Variants in TPST1 observed in about 807,000 individuals in gnomAD.
The protein encoded by TPST1 is tyrosylprotein sulfotransferase 1, also known as protein-tyrosine sulfotransferase 1.
TPST1 carries 20 observed loss-of-function variants against 34.8 expected under a neutral mutation model. The ratio of observed to expected loss-of-function variants is 0.57; its 90% CI spans 0.40 to 0.84. The LOEUF is 0.84. TPST1 is among the 40% of genes least tolerant of loss of function. The probability of loss-of-function intolerance (pLI) is 0.00; values close to 1 mark genes in which losing one functional copy is unlikely to be tolerated. For synonymous variants in TPST1, 152 were observed against 159.4 expected (o/e 0.95, Z 0.35); for missense variants, 353 against 455.5 (o/e 0.78, Z 2.05).
At chr7:66,221,176 A>G (rs1044055242) in intron 1 of TPST1, among the ~76,000 whole-genome samples, 6 of 152,162 alleles carry the variant, frequency 3.9e-5, no homozygotes, top group Non-Finnish European at 8.8e-5. Context: ...TAGTGATTCA[A>G]CTGATGGAAA....
intron 3 of TPST1, among the ~76,000 whole-genome samples, chr7:66,351,431 G>A (rs1562856596): frequency 6.6e-6 from 1 of 151,964 alleles, no homozygotes; most frequent in Non-Finnish European, 1.5e-5. Flanking sequence ...CTGTTTCATC[G>A]ATATATTTAT....
chr7:66,270,122 T>C (rs1790676598), intron 2 of TPST1, among the ~76,000 whole-genome samples: 1 of 151,972 alleles, frequency 6.6e-6, no homozygotes, highest in African/African-American at 2.4e-5. Context: ...CAAGTAGATA[T>C]TACAGGAAGG....
upstream of TPST1, among the ~76,000 whole-genome samples, chr7:66,204,853 G>A (rs898537317): frequency 6.6e-6 from 1 of 152,272 alleles, no homozygotes; most frequent in African/African-American, 2.4e-5. Context: ...TCCCCGAGGA[G>A]ATGACAGCTT....
Position 66,354,717 on chromosome 7 carries a change from A to C in TPST1, c.1096-2108A>C, listed in dbSNP as rs1162955064. On this transcript the variant is annotated intron_variant, in intron 4 of 5. Coordinates refer to ENST00000304842, the MANE Select transcript of TPST1 (RefSeq NM_003596.4). Reference sequence around the variant, plus strand: ...TAATGAAAGTTGTTAGAGGATATAGAAGAGCCAGGCATGAGGCTCACGCTT... The same window carrying C: ...TAATGAAAGTTGTTAGAGGATATAGCAGAGCCAGGCATGAGGCTCACGCTT... 2.0e-5 allele frequency among the ~76,000 whole-genome samples: 3 copies of C among 151,008 alleles called. No homozygotes were observed. In the East Asian group the frequency reaches 6.0e-4, roughly 30 times the overall value.
At chr7:66,213,383 T>A (rs77715855) in intron 1 of TPST1, among the ~76,000 whole-genome samples, 2,295 of 152,278 alleles carry the variant, frequency 0.015, 61 homozygotes, top group East Asian at 0.093. Context: ...CTATAATTTT[T>A]ATTGGGTTTT....
chr7:66,207,761 T>G (rs1344294220), intron 1 of TPST1, among the ~76,000 whole-genome samples: 1 of 152,222 alleles, frequency 6.6e-6, no homozygotes, highest in Non-Finnish European at 1.5e-5. Context: ...CATAGCTGTA[T>G]GTGGATGCTT....
chr7:66,329,739 A>G (rs1341751198), intron 3 of TPST1, among the ~76,000 whole-genome samples: 1 of 152,250 alleles, frequency 6.6e-6, no homozygotes, highest in African/African-American at 2.4e-5. Context: ...AAATGTGTAC[A>G]TATACACCAT....
At chr7:66,260,460 C>T (rs1462411676) in intron 2 of TPST1, among the ~76,000 whole-genome samples, 1 of 152,126 alleles carries the variant, frequency 6.6e-6, no homozygotes, top group Admixed American at 6.6e-5. Context: ...GACTGTACTC[C>T]ATAATAACTG....
At position 66,360,073 on chromosome 7, in the gene TPST1, A is replaced by G. The variant is rs1033364334; in HGVS notation, c.*208A>G. 2 of 414,572 alleles carry G rather than the reference A, an allele frequency of 4.8e-6. No homozygotes were observed. Among genetic ancestry groups the G allele is most frequent in the Non-Finnish European group, 9.9e-6 (2 of 202,804 alleles). 25.7% of individuals were successfully genotyped at this position (414,572 alleles called of 1,614,324 possible). A position where few individuals can be genotyped will look rare whatever the true frequency, so the allele number is the denominator to read the frequency against. ...TCGTGAGGGATCTGCCTCCTGAGCAAAGAGCTCTTGATCCCGATTTCATGC... is the reference window on the plus strand; with the variant it reads ...TCGTGAGGGATCTGCCTCCTGAGCAGAGAGCTCTTGATCCCGATTTCATGC... On this transcript the variant is annotated 3_prime_UTR_variant, in exon 6 of 6. Transcript: ENST00000304842.
chr7:66,330,925 GTC>G (rs984133471), intron 3 of TPST1, among the ~76,000 whole-genome samples: 10 of 152,182 alleles, frequency 6.6e-5, no homozygotes, highest in African/African-American at 2.2e-4. Flanking sequence ...CAAACGTGTT[GTC>G]TCATAGGTTC....
chr7:66,330,022 T>A (rs1016463571), intron 3 of TPST1, among the ~76,000 whole-genome samples: 9 of 152,006 alleles, frequency 5.9e-5, no homozygotes, highest in Non-Finnish European at 1.2e-4. Context: ...GGGTGACAGG[T>A]TCAATCATAT....
intron 3 of TPST1, among the ~76,000 whole-genome samples, chr7:66,299,645 T>C (rs770132198): frequency 1.3e-5 from 2 of 152,192 alleles, no homozygotes; most frequent in Non-Finnish European, 2.9e-5. Context: ...CATTGATCCC[T>C]TCTTTTTCTG....
At chr7:66,308,301 G>A (rs571791703) in intron 3 of TPST1, among the ~76,000 whole-genome samples, 8 of 152,264 alleles carry the variant, frequency 5.3e-5, no homozygotes, top group African/African-American at 1.9e-4. Flanking sequence ...TTTACCTCTA[G>A]GGCCTGCCAT....
At chr7:66,274,997 A>G (rs1790777821) in intron 2 of TPST1, among the ~76,000 whole-genome samples, 1 of 152,156 alleles carries the variant, frequency 6.6e-6, no homozygotes, top group South Asian at 2.1e-4. Context: ...GGTCGAGACC[A>G]TGCTGGCTAA....
intron 2 of TPST1, 141 bp from the exon 3 acceptor site, chr7:66,286,370 A>C (rs1327643978): frequency 1.4e-5 from 8 of 578,800 alleles, no homozygotes; most frequent in Non-Finnish European, 2.1e-5. Flanking sequence ...AAATAGTGTC[A>C]AACCTGATTA....
In TPST1 at chr7:66,338,874, C is replaced by T. The variant is rs529369056; in HGVS notation, c.1045-13631C>T. Among the ~76,000 whole-genome samples, 7 of 152,064 alleles carry T rather than the reference C, an allele frequency of 4.6e-5. No individual in the cohort carries two copies. In the East Asian group the frequency reaches 5.8e-4, roughly 13 times the overall value. On this transcript the variant is annotated intron_variant, in intron 3 of 5. Transcript: ENST00000304842. ...AGTAAAAAGACTTCAAATAACCTAA[C>T]GATACACCTCAAGGAACTAGAAAAG...
intron 2 of TPST1, among the ~76,000 whole-genome samples, chr7:66,285,166 A>T (rs572666479): frequency 9.8e-4 from 150 of 152,298 alleles, no homozygotes; most frequent in African/African-American, 3.3e-3. Flanking sequence ...TGGATTTTAG[A>T]AAAGTAATAC....
chr7:66,253,660 T>A (rs938576249), intron 2 of TPST1, among the ~76,000 whole-genome samples: 1 of 151,030 alleles, frequency 6.6e-6, no homozygotes. Flanking sequence ...CATGAGCCAC[T>A]GCACCCAGTC....
intron 3 of TPST1, among the ~76,000 whole-genome samples, chr7:66,329,095 TAG>T (rs1263395023): frequency 6.6e-6 from 1 of 150,834 alleles, no homozygotes; most frequent in African/African-American, 2.4e-5. Flanking sequence ...TATTTTTTTG[TAG>T]AGACGAGGCT....
Sources: allele counts gnomAD v4.1 joint callset (sites outside exome capture counted in the v4.1 genomes callset), GRCh38; gene constraint gnomAD v4.1.1; transcripts MANE v1.5; gene names NCBI Gene and HGNC (gene_info 2026-07-23, HGNC 2026-07-21).